SNX25: variants seen among roughly 807,000 people sequenced by gnomAD.
SNX25 encodes the protein sorting nexin 25.
Under a neutral mutation model 113.7 loss-of-function variants are expected in SNX25, and 62 were observed. The observed-to-expected ratio is 0.55, with a 90% confidence interval of 0.44 to 0.67. SNX25 has a LOEUF of 0.67. Among genes scored for constraint, SNX25 ranks in the 30% least tolerant of loss-of-function variants. The pLI is 0.00. For synonymous variants in SNX25, 421 were observed against 436.2 expected (o/e 0.97, Z 0.43); for missense variants, 1,014 against 1,161.0 (o/e 0.87, Z 1.84).
At chr4:185,228,894 G>T (rs1741408924) in intron 1 of SNX25, among the ~76,000 whole-genome samples, 2 of 152,196 alleles carry the variant, frequency 1.3e-5, no homozygotes, top group South Asian at 4.1e-4. Context: ...CAGGAAGCAG[G>T]TTTAGAGAGA....
intron 6 of SNX25, among the ~76,000 whole-genome samples, chr4:185,298,589 C>A (rs1753187638): frequency 1.3e-5 from 2 of 152,110 alleles, no homozygotes; most frequent in African/African-American, 4.8e-5. Flanking sequence ...CTTGCTTCCT[C>A]TGGTCACTGG....
At chr4:185,370,795 C>A (rs201180140), downstream of SNX25, 2 of 1,614,086 alleles carry the variant, frequency 1.2e-6, no homozygotes, top group Admixed American at 3.3e-5. Flanking sequence ...ATGTCGTGAA[C>A]CTCATCATAG....
chr4:185,367,184 A>C (rs1319295491), downstream of SNX25: 1 of 1,612,266 alleles, frequency 6.2e-7, no homozygotes, highest in Non-Finnish European at 8.5e-7. Flanking sequence ...TGTGGTCTAA[A>C]TTCTTTGACG....
In SNX25 at chr4:185,209,635, C is replaced by G. The variant is rs1261756270; in HGVS notation, c.-192C>G. On this transcript the variant is annotated 5_prime_UTR_variant, in exon 1 of 19. Transcript: ENST00000652585. This position sits in a 1 kb window ranked among gnomAD's most constrained non-coding sequence, Gnocchi z 5.2. ...GTGGGGCTCCCTGGCTGCGCCCGGC[C>G]CGGCAGCTACGGGCCCAGCGCCTGG... 1 of 656,316 alleles carries G rather than the reference C, an allele frequency of 1.5e-6. No individual in the cohort carries two copies. Among genetic ancestry groups the G allele is most frequent in the Non-Finnish European group, 1.9e-6 (1 of 529,270 alleles). The allele number at this position is 656,316 out of a possible 1,614,324, so 40.7% of individuals were successfully genotyped here.
At chr4:185,257,176 G>GAA (rs11332633) in intron 2 of SNX25, among the ~76,000 whole-genome samples, 28 of 106,364 alleles carry the variant, frequency 2.6e-4, no homozygotes, top group South Asian at 2.5e-3. Flanking sequence ...TTTGAAAAGT[G>GAA]AAAAAAAAAA....
intron 10 of SNX25, among the ~76,000 whole-genome samples, chr4:185,333,591 C>G (rs1411133615): frequency 6.6e-6 from 1 of 152,098 alleles, no homozygotes; most frequent in Non-Finnish European, 1.5e-5. Flanking sequence ...ATCTATTCAT[C>G]TATAATCCAG....
chr4:185,235,102 A>C (rs568873529), intron 1 of SNX25, among the ~76,000 whole-genome samples: 13 of 152,250 alleles, frequency 8.5e-5, no homozygotes, highest in Admixed American at 6.5e-4. Flanking sequence ...CTCTCGGTCT[A>C]TCTTAATAGA....
At chr4:185,239,768 T>TTTTTC (rs1743359388) in intron 1 of SNX25, among the ~76,000 whole-genome samples, 1 of 128,876 alleles carries the variant, frequency 7.8e-6, no homozygotes. Flanking sequence ...GGTGTATTTT[T>TTTTTC]TTTTTCTTTT....
At chr4:185,358,224 C>T (rs1405878550) in intron 16 of SNX25, among the ~76,000 whole-genome samples, 1 of 152,180 alleles carries the variant, frequency 6.6e-6, no homozygotes, top group Non-Finnish European at 1.5e-5. Context: ...TTAATATCTG[C>T]GTATCCACTG....
chr4:185,309,339 C>T (rs372754225), intron 6 of SNX25, among the ~76,000 whole-genome samples: 2 of 152,150 alleles, frequency 1.3e-5, no homozygotes, highest in South Asian at 2.1e-4. Context: ...TCGTCATATT[C>T]GTAACCCCAA....
At chr4:185,242,266 G>A (rs1744170183) in intron 1 of SNX25, among the ~76,000 whole-genome samples, 1 of 152,092 alleles carries the variant, frequency 6.6e-6, no homozygotes, top group Non-Finnish European at 1.5e-5. Flanking sequence ...CACACACCAA[G>A]CAAGCGGACA....
chr4:185,269,791 G>A (rs1164262121), intron 5 of SNX25, among the ~76,000 whole-genome samples: 1 of 152,088 alleles, frequency 6.6e-6, no homozygotes, highest in Non-Finnish European at 1.5e-5. Flanking sequence ...GCCCACACTG[G>A]AAACAAACTC....
chr4:185,267,853 A>G (rs937094611), intron 5 of SNX25, among the ~76,000 whole-genome samples: 1 of 152,210 alleles, frequency 6.6e-6, no homozygotes, highest in Non-Finnish European at 1.5e-5. Flanking sequence ...TGTGTTATAT[A>G]CTGTATTCTT....
chr4:185,341,873 C>A, intron 11 of SNX25, 103 bp from the exon 12 acceptor site: 1 of 1,214,426 alleles, frequency 8.2e-7, no homozygotes, highest in Non-Finnish European at 1.1e-6. Context: ...CTGCAAGGTA[C>A]ATCACGGGGA....
upstream of SNX25, among the ~76,000 whole-genome samples, chr4:185,206,505 A>G (rs995906983): frequency 1.4e-4 from 22 of 152,032 alleles, no homozygotes; most frequent in Admixed American, 6.5e-4. Context: ...TAAAAATACA[A>G]AAAATTAGCC....
At chr4:185,245,027 A>C (rs976688028) in intron 1 of SNX25, among the ~76,000 whole-genome samples, 20 of 152,050 alleles carry the variant, frequency 1.3e-4, no homozygotes, top group African/African-American at 4.8e-4. Flanking sequence ...CTGCTTGAGA[A>C]CGAAGTGGTT....
chr4:185,284,882 G>C (rs1180729369), intron 5 of SNX25, among the ~76,000 whole-genome samples: 8 of 152,142 alleles, frequency 5.3e-5, no homozygotes, highest in Admixed American at 5.2e-4. Context: ...GCATTCAAAG[G>C]ACCATCCGTG....
At chr4:185,243,096 AAAG>A (rs1744310661) in intron 1 of SNX25, among the ~76,000 whole-genome samples, 1 of 152,232 alleles carries the variant, frequency 6.6e-6, no homozygotes, top group African/African-American at 2.4e-5. Flanking sequence ...AATCAGATTG[AAAG>A]AATAATAGGT....
chr4:185,315,504 G>A, intron 7 of SNX25, among the ~76,000 whole-genome samples: 1 of 151,972 alleles, frequency 6.6e-6, no homozygotes, highest in Non-Finnish European at 1.5e-5. Context: ...ATGTTGGCCA[G>A]GCTGGTCTCA....
Sources: allele counts gnomAD v4.1 joint callset (sites outside exome capture counted in the v4.1 genomes callset), GRCh38; gene constraint gnomAD v4.1.1; non-coding constraint Gnocchi (gnomAD v3.1); transcripts MANE v1.5; gene names NCBI Gene and HGNC (gene_info 2026-07-23, HGNC 2026-07-21).